The following SELENON variants were observed in gnomAD, a reference collection of about 807,000 sequenced individuals.
SELENON encodes selenoprotein N, 1.
A neutral mutation model predicts 59.5 loss-of-function variants in SELENON; 44 were observed. That is an observed-to-expected ratio of 0.74 (90% confidence interval 0.58 to 0.95). The LOEUF is 0.95. Among genes scored for constraint, SELENON ranks in the 40% least tolerant of loss-of-function variants. SELENON has a pLI of 0.00. For synonymous variants in SELENON, 320 were observed against 305.6 expected, an observed-to-expected ratio of 1.05 and a Z score of -0.49; for missense variants, 674 against 721.4, an observed-to-expected ratio of 0.93 and a Z score of 0.75.
chr1:25,809,639 G>A (rs1206173570), intron 6 of SELENON, 44 bp from the exon 6 acceptor site: 1 of 1,610,682 alleles, frequency 6.2e-7, no homozygotes, highest in Non-Finnish European at 8.5e-7. Context: ...GGCTCCTGGG[G>A]AGAAGGTGGG....
intron 4 of SELENON, 114 bp downstream of exon 3, chr1:25,805,389 G>A: frequency 1.4e-6 from 2 of 1,434,828 alleles, no homozygotes; most frequent in African/African-American, 1.4e-5. Context: ...GCCAGGCCCT[G>A]GAGGTCCATG....
Position 25,811,550 on chromosome 1 carries a change from G to A in SELENON, c.1092+15G>A. On this transcript the variant is annotated intron_variant, in intron 8 of 12. Coordinates refer to ENST00000361547, the MANE Select transcript of SELENON (RefSeq NM_020451.3). The stretch of plus-strand genomic sequence containing the variant: ...ACATACCCCAGGTGAGCGCACAGGA[G>A]GCTCCCATCCAGGTGGGCTCGGCTG... The A allele has an allele frequency of 6.2e-7, 1 of 1,613,558 alleles. No homozygotes were observed. Among genetic ancestry groups the A allele is most frequent in the South Asian group, 1.1e-5 (1 of 91,078 alleles).
Position 25,811,541 on chromosome 1 carries a change from C to G in SELENON, c.1092+6C>G, listed in dbSNP as rs148071754. ...ACATCGGCTACATACCCCAGGTGAG[C>G]GCACAGGAGGCTCCCATCCAGGTGG... is the stretch of plus-strand genomic sequence containing the variant. On this transcript the variant is annotated splice_donor_region_variant and intron_variant, in intron 8 of 12. Coordinates refer to ENST00000361547, the MANE Select transcript of SELENON (RefSeq NM_020451.3). 15,854 of 1,613,672 alleles carry G rather than the reference C, an allele frequency of 9.8e-3. 120 individuals carry two copies. The highest frequency in any genetic ancestry group is 0.029 in the Middle Eastern group (173 of 6,060).
intron 3 of SELENON, 109 bp from the exon 3 acceptor site, chr1:25,805,033 A>AC (rs2047893640): frequency 6.9e-7 from 1 of 1,448,640 alleles, no homozygotes; most frequent in Non-Finnish European, 9.6e-7. Flanking sequence ...CACCCCAGCT[A>AC]CCCCCACCCC....
chr1:25,802,927 G>A lies in SELENON; in HGVS notation c.403+810G>A, dbSNP rs756633712. Among the ~76,000 whole-genome samples, 4 of 152,138 alleles carry A rather than the reference G, an allele frequency of 2.6e-5. No homozygotes were observed. The South Asian group carries it at 6.2e-4, about 24-fold the overall frequency. On this transcript the variant is annotated intron_variant, in intron 3 of 12. Coordinates refer to ENST00000361547, the MANE Select transcript of SELENON (RefSeq NM_020451.3). ...GCAAGAGAGACATGCTGGCTGTTTC[G>A]GGTGCATAAGCTTCAAAGCGCTGTC... is the stretch of plus-strand genomic sequence containing the variant.
chr1:25,805,072 T>C, intron 3 of SELENON, 70 bp from the exon 3 acceptor site: 7 of 1,597,538 alleles, frequency 4.4e-6, no homozygotes, highest in Non-Finnish European at 6.0e-6. Flanking sequence ...CACCAGCTAG[T>C]GTGGATGATG....
rs1314568266 is a variant in SELENON at position 25,809,114 on chromosome 1, C to T, written c.836C>T (p.Thr279Ile). The change falls in exon 6 of 13, where the codon ACT becomes ATT. Residue 279 changes from threonine to isoleucine, a missense_variant. Coordinates refer to ENST00000361547, the MANE Select transcript of SELENON (RefSeq NM_020451.3). Reference sequence around the variant, plus strand: ...CCTCAGGGAGCTGTGGCCTGCCTGACTGCCATCAGCGACTTCTACTACACT... The same window carrying T: ...CCTCAGGGAGCTGTGGCCTGCCTGATTGCCATCAGCGACTTCTACTACACT... 1 of 1,613,820 alleles carries T rather than the reference C, an allele frequency of 6.2e-7. No individual in the cohort carries two copies. Among genetic ancestry groups the T allele is most frequent in the Admixed American group, 1.7e-5 (1 of 60,036 alleles).
intron 9 of SELENON, 113 bp downstream of exon 8, chr1:25,811,992 G>C: frequency 8.5e-7 from 1 of 1,171,596 alleles, no homozygotes; most frequent in Non-Finnish European, 1.2e-6. Context: ...TGCTACTGAG[G>C]CTGTCTCACT....
In SELENON at chr1:25,801,254, G is replaced by A. The variant is rs551373900; in HGVS notation, c.301+94G>A. 1.0e-5 allele frequency: 10 copies of A among 995,486 alleles called. No individual in the cohort carries two copies. In the African/African-American group the frequency reaches 1.1e-4, roughly 11 times the overall value. 61.7% of individuals were successfully genotyped at this position (995,486 alleles called of 1,614,324 possible). On this transcript the variant is annotated intron_variant, in intron 2 of 12. Transcript: ENST00000361547. Reference sequence around the variant, plus strand: ...GGCCGTCTGGAGTGGAGGGAAGCTCGTGGGATCTCAGAGGCCCTGGACTCC... The same window carrying A: ...GGCCGTCTGGAGTGGAGGGAAGCTCATGGGATCTCAGAGGCCCTGGACTCC...
chr1:25,808,903 T>G (rs2047933879), intron 5 of SELENON, 114 bp downstream of exon 4: 1 of 1,574,120 alleles, frequency 6.4e-7, no homozygotes, highest in Middle Eastern at 1.8e-4. Context: ...TCTCCTGCCT[T>G]CCTCTGGACC....
At position 25,813,673 on chromosome 1, in the gene SELENON, CT is replaced by C. The variant is rs775292644; in HGVS notation, c.1388-207del. The C allele has an allele frequency of 5.3e-5, 34 of 640,936 alleles. No individual in the cohort carries two copies. The African/African-American group carries it at 5.9e-4, about 11-fold the overall frequency. 39.7% of individuals were successfully genotyped at this position (640,936 alleles called of 1,614,324 possible). A position where few individuals can be genotyped will look rare whatever the true frequency, so the allele number is the denominator to read the frequency against. On this transcript the variant is annotated intron_variant, in intron 10 of 12. Coordinates refer to ENST00000361547, the MANE Select transcript of SELENON (RefSeq NM_020451.3). ...AAGTCCCCAGGGCCAGGTAGAACCC[CT>C]AACCCTAATCTCAGCCCAGGATGCT...
At position 25,800,376 on chromosome 1, in the gene SELENON, G is replaced by A. The variant is rs1023254639; in HGVS notation, c.146G>A (p.Cys49Tyr). ...GCCGCTGCCGCCGCCGTCCGGGTCT[G>A]CGCCCGCCACGCCGAGGCCCAGGCG... The change falls in exon 1 of 13, where the codon TGC becomes TAC. Residue 49 changes from cysteine to tyrosine, a missense_variant. Transcript: ENST00000361547. 99 of 1,093,802 alleles carry A rather than the reference G, an allele frequency of 9.1e-5. No homozygotes were observed. Among genetic ancestry groups the A allele is most frequent in the Non-Finnish European group, 9.9e-5 (89 of 900,634 alleles). 67.8% of individuals were successfully genotyped at this position (1,093,802 alleles called of 1,614,324 possible).
Position 25,816,222 on chromosome 1 carries a change from C to G in SELENON, c.*504C>G, listed in dbSNP as rs1415658756. 1.3e-5 allele frequency: 2 copies of G among 157,740 alleles called. No homozygotes were observed. The highest frequency in any genetic ancestry group is 4.8e-5 in the African/African-American group (2 of 41,522). 9.8% of individuals were successfully genotyped at this position (157,740 alleles called of 1,614,324 possible). On this transcript the variant is annotated 3_prime_UTR_variant, in exon 13 of 13. Transcript: ENST00000361547. ...CCTTCGTTCCTGGCCATACCCCGGACTGCCCTCCTGTGCCTGATGTCCCCA... is the reference window on the plus strand; with the variant it reads ...CCTTCGTTCCTGGCCATACCCCGGAGTGCCCTCCTGTGCCTGATGTCCCCA...
At chr1:25,805,010 T>G (rs568213503) in intron 3 of SELENON, 132 bp from the exon 3 acceptor site, 1 of 1,110,548 alleles carries the variant, frequency 9.0e-7, no homozygotes, top group African/African-American at 1.5e-5. Context: ...GTTGTTACTT[T>G]GGTGACTGTT....
chr1:25,813,422 C>T (rs1228101081), intron 10 of SELENON, among the ~76,000 whole-genome samples: 3 of 152,224 alleles, frequency 2.0e-5, no homozygotes, highest in Non-Finnish European at 4.4e-5. Context: ...TGAGTCAGTA[C>T]AAGCACGGTG....
chr1:25,804,502 T>C (rs1020935665), intron 3 of SELENON, among the ~76,000 whole-genome samples: 3 of 150,996 alleles, frequency 2.0e-5, no homozygotes, highest in African/African-American at 7.3e-5. Context: ...GCGTCATTTG[T>C]CCCTTAGCCT....
rs1438414909 is a variant in SELENON, at chr1:25,809,814, A to G, written c.1004A>G (p.Asn335Ser). 6.2e-7 allele frequency: 1 copy of G among 1,613,538 alleles called. No individual in the cohort carries two copies. The highest frequency in any genetic ancestry group is 1.7e-5 in the Admixed American group (1 of 60,018). ...CGCGACTTCCGGCTCTTCGTGCCCA[A>G]CCACAGGTGGGAGCTTGACCCTGGC... The change falls in exon 7 of 13, where the codon AAC becomes AGC. Residue 335 changes from asparagine (N) to serine (S), a missense_variant. Transcript: ENST00000361547.
rs189203484 is a variant in SELENON at position 25,803,177 on chromosome 1, A to G, written c.403+1060A>G. On this transcript the variant is annotated intron_variant, in intron 3 of 12. Transcript: ENST00000361547. ...TGCCTGTACTTCTTGTTTTGCATAC[A>G]CTTCTGCGCATTTGCACAGCTACCT... Among the ~76,000 whole-genome samples, 96 of 152,296 alleles carry G rather than the reference A, an allele frequency of 6.3e-4. 1 individual carries two copies. The highest frequency in any genetic ancestry group is 8.8e-4 in the Non-Finnish European group (60 of 68,032).
intron 4 of SELENON, 104 bp from the exon 4 acceptor site, chr1:25,808,476 G>A (rs566643408): frequency 3.7e-6 from 5 of 1,350,544 alleles, no homozygotes; most frequent in Admixed American, 3.4e-5. Context: ...TGCTCCCTTG[G>A]TGTGGGCTGG....
Sources: allele counts gnomAD v4.1 joint callset (sites outside exome capture counted in the v4.1 genomes callset), GRCh38; gene constraint gnomAD v4.1.1; transcripts MANE v1.5; gene names NCBI Gene and HGNC (gene_info 2026-07-23, HGNC 2026-07-21).